Variants in ABCA9 observed in about 807,000 individuals in gnomAD.
ABCA9 encodes the protein ATP-binding cassette sub-family A member 9.
ABCA9 carries 183 observed loss-of-function variants against 205.3 expected under a neutral mutation model. The ratio of observed to expected loss-of-function variants is 0.89; its 90% confidence interval spans 0.79 to 1.01. The LOEUF (loss-of-function observed/expected upper bound fraction) is 1.01. Among genes scored for constraint, ABCA9 ranks in the 50% least tolerant of loss-of-function variants. ABCA9 has a pLI of 0.00. For missense variants in ABCA9, 1,805 were observed against 1,912.4 expected, an observed-to-expected ratio of 0.94 and a Z score of 1.05; for synonymous variants, 651 against 683.3, an observed-to-expected ratio of 0.95 and a Z score of 0.74.
chr17:69,045,363 T>C, intron 3 of ABCA9, 27 bp from the exon 4 acceptor site: 16 of 1,590,006 alleles, frequency 1.0e-5, no homozygotes, highest in Non-Finnish European at 1.4e-5. Flanking sequence ...ACAAAAGAAA[T>C]AGTTAAGCAA....
chr17:68,990,950 G>C lies in ABCA9; in HGVS notation c.3724C>G (p.Pro1242Ala), dbSNP rs1040065237. The C allele has an allele frequency of 6.2e-7, 1 of 1,608,178 alleles. No individual in the cohort carries two copies. The highest frequency in any genetic ancestry group is 8.5e-7 in the Non-Finnish European group (1 of 1,178,608). ...TTTGGAAAAATAGCGTTGCTTCTTG[G>C]AGAAATTCTGAAATCAAAACAGTGT... is the stretch of plus-strand genomic sequence containing the variant. ...MRKDPVFRIS[P>A]RSNAIFPNPE... The change falls in exon 29 of 39, where the codon CCA (proline) becomes GCA (alanine). Residue 1242 changes from proline to alanine, a missense_variant. Pro to Ala is a conservative substitution (Grantham distance 27). Coordinates refer to ENST00000340001, the MANE Select transcript of ABCA9 (RefSeq NM_080283.4).
chr17:69,013,256 G>A (rs1398268956), intron 22 of ABCA9, among the ~76,000 whole-genome samples: 2 of 152,042 alleles, frequency 1.3e-5, no homozygotes, highest in Non-Finnish European at 2.9e-5. Context: ...GGATTGTATG[G>A]TAGTACAAAC....
At chr17:69,046,005 C>T (rs1015946850) in intron 3 of ABCA9, among the ~76,000 whole-genome samples, 5 of 152,000 alleles carry the variant, frequency 3.3e-5, no homozygotes, top group Admixed American at 6.6e-5. Flanking sequence ...GAAATTCCAA[C>T]GGTATTGGAA....
chr17:69,044,736 A>C, intron 4 of ABCA9, 136 bp from the exon 5 acceptor site: 1 of 666,120 alleles, frequency 1.5e-6, no homozygotes, highest in Middle Eastern at 2.6e-4. Flanking sequence ...TGAGAGTTGC[A>C]GAGCACACCC....
chr17:69,068,956 G>A, the ABCA9 span, among the ~76,000 whole-genome samples: 1 of 152,230 alleles, frequency 6.6e-6, no homozygotes, highest in South Asian at 2.1e-4. Context: ...AGAGGACAAA[G>A]ATATGATTAA....
intron 25 of ABCA9, among the ~76,000 whole-genome samples, chr17:69,000,191 A>T (rs868079367): frequency 4.6e-5 from 7 of 151,878 alleles, no homozygotes; most frequent in South Asian, 2.1e-4. Context: ...TTAGACATGA[A>T]GTCCTTGCCC....
chr17:69,069,449 C>T, the ABCA9 span, among the ~76,000 whole-genome samples: 2 of 152,094 alleles, frequency 1.3e-5, no homozygotes, highest in Non-Finnish European at 2.9e-5. Flanking sequence ...ATCCATTCAC[C>T]ACTAGATCTG....
intron 27 of ABCA9, among the ~76,000 whole-genome samples, 162 bp downstream of exon 27, chr17:68,992,852 CGT>C (rs113669731): frequency 2.4e-4 from 35 of 148,140 alleles, no homozygotes; most frequent in East Asian, 1.4e-3. Flanking sequence ...TAAAAGCCAT[CGT>C]GTGTGTGTGT....
At chr17:69,021,682 T>G (rs974951712) in intron 18 of ABCA9, 60 bp downstream of exon 18, 2 of 1,070,342 alleles carry the variant, frequency 1.9e-6, no homozygotes, top group South Asian at 1.7e-5. Context: ...TCTTTCGTCC[T>G]TCCTTCCTTC....
At chr17:69,024,608 G>T (rs933688055) in intron 16 of ABCA9, among the ~76,000 whole-genome samples, 7 of 152,140 alleles carry the variant, frequency 4.6e-5, no homozygotes, top group African/African-American at 1.4e-4. Flanking sequence ...GGAGAAATGA[G>T]ATATTAAGCC....
chr17:69,037,696 G>A (rs568781041), intron 6 of ABCA9, among the ~76,000 whole-genome samples: 40 of 152,040 alleles, frequency 2.6e-4, no homozygotes, highest in African/African-American at 9.6e-4. Context: ...GCTATCAGGA[G>A]ACACAAAATA....
At chr17:69,038,984 T>C (rs1248952860) in intron 6 of ABCA9, among the ~76,000 whole-genome samples, 2 of 151,870 alleles carry the variant, frequency 1.3e-5, no homozygotes, top group Non-Finnish European at 2.9e-5. Flanking sequence ...GAGAATAAAA[T>C]ACCTAGGAAT....
chr17:69,031,328 T>G (rs2071141812), intron 10 of ABCA9, among the ~76,000 whole-genome samples: 1 of 152,214 alleles, frequency 6.6e-6, no homozygotes, highest in South Asian at 2.1e-4. Flanking sequence ...AAGATTGCTA[T>G]GTTTACATGC....
intron 28 of ABCA9, 106 bp from the exon 29 acceptor site, chr17:68,991,063 A>G (rs2144031795): frequency 2.5e-6 from 3 of 1,219,436 alleles, no homozygotes; most frequent in South Asian, 3.1e-5. Context: ...ATTCATTCAG[A>G]GCACAACATC....
At chr17:69,069,451 C>G in the ABCA9 span, among the ~76,000 whole-genome samples, 1 of 152,160 alleles carries the variant, frequency 6.6e-6, no homozygotes, top group Non-Finnish European at 1.5e-5. Context: ...CCATTCACCA[C>G]TAGATCTGGT....
intron 18 of ABCA9, among the ~76,000 whole-genome samples, chr17:69,021,071 T>C (rs2070791720): frequency 6.6e-6 from 1 of 152,122 alleles, no homozygotes; most frequent in Non-Finnish European, 1.5e-5. Flanking sequence ...TGACTAACTC[T>C]GGCTACTAGA....
In ABCA9 at chr17:69,043,849, C is replaced by T; in HGVS notation, c.574-134G>A. ...TGTTTATATGCCCTTCATGATCTGG[C>T]CCCTTGTGGTTCCTGGAACACTTTA... On this transcript the variant is annotated intron_variant, in intron 5 of 38. Transcript: ENST00000340001. 3 of 772,388 alleles carry T rather than the reference C, an allele frequency of 3.9e-6. No individual in the cohort carries two copies. The South Asian group carries it at 6.0e-5, about 16-fold the overall frequency. 47.8% of individuals were successfully genotyped at this position (772,388 alleles called of 1,614,324 possible). A position where few individuals can be genotyped will look rare whatever the true frequency, so the allele number is the denominator to read the frequency against.
At chr17:68,983,566 T>C (rs1157425223) in intron 36 of ABCA9, 143 bp downstream of exon 36, 6 of 1,183,680 alleles carry the variant, frequency 5.1e-6, no homozygotes, top group Non-Finnish European at 7.0e-6. Flanking sequence ...TGTGAGCCCT[T>C]GGAATTGAAT....
intron 14 of ABCA9, 39 bp from the exon 15 acceptor site, chr17:69,027,153 C>A (rs758693892): frequency 6.2e-7 from 1 of 1,602,904 alleles, no homozygotes; most frequent in East Asian, 2.2e-5. Context: ...TCCACCCTTT[C>A]GGATAAGATC....
Sources: gnomAD v4.1 joint callset for allele counts (sites outside exome capture counted in the v4.1 genomes callset) on GRCh38, gnomAD v4.1.1 for gene constraint, MANE v1.5 for transcripts, NCBI Gene and HGNC (gene_info 2026-07-23, HGNC 2026-07-21) for gene names.